Variants in SETBP1 observed in about 807,000 individuals in gnomAD.
SETBP1 encodes SET binding protein 1.
Under a neutral mutation model 101.0 loss-of-function variants are expected in SETBP1, and 9 were observed. That is an observed-to-expected ratio of 0.09 (90% CI 0.05 to 0.16). SETBP1 has a LOEUF of 0.16. Among genes scored for constraint, SETBP1 ranks in the 10% least tolerant of loss-of-function variants. The probability of loss-of-function intolerance (pLI) is 1.00; values close to 1 mark genes in which losing one functional copy is unlikely to be tolerated. For missense variants in SETBP1, 1,858 were observed against 2,033.8 expected, an observed-to-expected ratio of 0.91 and a Z score of 1.66; for synonymous variants, 818 against 788.5, an observed-to-expected ratio of 1.04 and a Z score of -0.63.
At chr18:44,701,982 G>A in intron 2 of SETBP1, 150 bp downstream of exon 2, 2 of 917,242 alleles carry the variant, frequency 2.2e-6, no homozygotes, top group Admixed American at 2.6e-5. Flanking sequence ...AAATCTGTGT[G>A]TAACTTTTGA....
At chr18:44,722,032 G>A (rs1233399639) in intron 2 of SETBP1, among the ~76,000 whole-genome samples, 4 of 152,188 alleles carry the variant, frequency 2.6e-5, no homozygotes, top group South Asian at 2.1e-4. Context: ...GGGCATCTGC[G>A]TGGACATGCA....
intron 2 of SETBP1, among the ~76,000 whole-genome samples, chr18:44,735,985 C>T (rs900194739): frequency 4.6e-5 from 7 of 152,114 alleles, no homozygotes; most frequent in Non-Finnish European, 1.0e-4. Flanking sequence ...TTGTTTTAGT[C>T]ACTATCAGCT....
In SETBP1 at chr18:44,714,722, G is replaced by A. The variant is rs867726987; in HGVS notation, c.486+12890G>A. 2.6e-5 allele frequency among the ~76,000 whole-genome samples: 4 copies of A among 152,008 alleles called. No individual in the cohort carries two copies. In the South Asian group the frequency reaches 6.3e-4, roughly 24 times the overall value. ...CCTACAGAGTTTAATGGGGTTTTCA[G>A]CCTAAGTGCTGTGTAGGGTATAGAA... is the stretch of plus-strand genomic sequence containing the variant. On this transcript the variant is annotated intron_variant, in intron 2 of 5. Coordinates refer to ENST00000649279, the MANE Select transcript of SETBP1 (RefSeq NM_015559.3).
At chr18:44,961,739 C>G (rs1490154622) in intron 4 of SETBP1, among the ~76,000 whole-genome samples, 3 of 152,274 alleles carry the variant, frequency 2.0e-5, no homozygotes, top group East Asian at 3.9e-4. Flanking sequence ...GTCAGCTCCC[C>G]CTTCCCTGCC....
intron 4 of SETBP1, among the ~76,000 whole-genome samples, chr18:45,033,577 G>A (rs994531315): frequency 1.3e-5 from 2 of 152,160 alleles, no homozygotes; most frequent in African/African-American, 2.4e-5. Flanking sequence ...CCATCCCAGT[G>A]GTGTCAGCCT....
At chr18:44,738,034 T>C (rs1396815843) in intron 2 of SETBP1, among the ~76,000 whole-genome samples, 1 of 152,232 alleles carries the variant, frequency 6.6e-6, no homozygotes, top group African/African-American at 2.4e-5. Context: ...CTGCATATCC[T>C]AGGGCATGTG....
chr18:45,054,148 C>T (rs1282327187), intron 5 of SETBP1, among the ~76,000 whole-genome samples: 2 of 152,130 alleles, frequency 1.3e-5, no homozygotes, highest in Non-Finnish European at 2.9e-5. Context: ...ACCAATGCTG[C>T]CATTCCCAAT....
chr18:44,842,079 T>C (rs1003700459), intron 2 of SETBP1, among the ~76,000 whole-genome samples: 1 of 152,230 alleles, frequency 6.6e-6, no homozygotes, highest in Non-Finnish European at 1.5e-5. Context: ...GCCATTCAAC[T>C]TTTATTGTTC....
At chr18:44,949,076 T>C (rs1045718636) in intron 3 of SETBP1, among the ~76,000 whole-genome samples, 7 of 152,204 alleles carry the variant, frequency 4.6e-5, no homozygotes, top group African/African-American at 9.6e-5. Context: ...AAGTACGTAA[T>C]ACGAAGTTTA....
chr18:44,709,812 A>ATTTTTTTTTTTTTTTTTTTTTTTTTTT (rs35610551), intron 2 of SETBP1, among the ~76,000 whole-genome samples: 1 of 121,602 alleles, frequency 8.2e-6, no homozygotes, highest in Non-Finnish European at 1.7e-5. Flanking sequence ...ATCACTAATG[A>ATTTTTTTTTTTTTTTTTTTTTTTTTTT]TTTTTTTTTT....
chr18:44,827,632 G>A (rs766083951), intron 2 of SETBP1, among the ~76,000 whole-genome samples: 8 of 152,180 alleles, frequency 5.3e-5, no homozygotes, highest in Admixed American at 3.3e-4. Context: ...TCAAACCATG[G>A]AGGACTGGCA....
At chr18:45,015,869 G>A (rs2072929254) in intron 4 of SETBP1, among the ~76,000 whole-genome samples, 1 of 152,184 alleles carries the variant, frequency 6.6e-6, no homozygotes, top group Non-Finnish European at 1.5e-5. Context: ...ATTTAGTCAT[G>A]GGGATATTCT....
chr18:44,822,165 A>G (rs771887583), intron 2 of SETBP1, among the ~76,000 whole-genome samples: 2 of 152,206 alleles, frequency 1.3e-5, no homozygotes, highest in Non-Finnish European at 2.9e-5. Context: ...CACGAATTCC[A>G]TGTCTGATTT....
intron 2 of SETBP1, among the ~76,000 whole-genome samples, chr18:44,764,066 A>T (rs76998130): frequency 1.3e-5 from 2 of 152,212 alleles, no homozygotes; most frequent in African/African-American, 2.4e-5. Context: ...TTAAACCATC[A>T]GTCAAATTAG....
chr18:44,722,992 A>G (rs1479490286), intron 2 of SETBP1, among the ~76,000 whole-genome samples: 1 of 152,214 alleles, frequency 6.6e-6, no homozygotes, highest in East Asian at 1.9e-4. Context: ...TAATTGTATG[A>G]CATTGGTAAT....
intron 2 of SETBP1, among the ~76,000 whole-genome samples, chr18:44,832,075 C>A (rs2072383257): frequency 6.6e-6 from 1 of 152,172 alleles, no homozygotes; most frequent in African/African-American, 2.4e-5. Flanking sequence ...AAGCAACATG[C>A]CTCCTTTGGC....
rs116632635 is a variant in SETBP1 at position 44,877,688 on chromosome 18, C to G, written c.540+8405C>G. Among the ~76,000 whole-genome samples, 1,346 of 152,290 alleles carry G rather than the reference C, an allele frequency of 8.8e-3. 20 individuals are homozygous for G. Among genetic ancestry groups the G allele is most frequent in the African/African-American group, 0.031 (1,292 of 41,562 alleles). On this transcript the variant is annotated intron_variant, in intron 3 of 5. Transcript: ENST00000649279. ...TGAAGCCCAAACTGACACTTTTACT[C>G]TTCTTACATGAAATCAACAGTTTCC...
At chr18:44,909,191 T>TG (rs2070245767) in intron 3 of SETBP1, among the ~76,000 whole-genome samples, 1 of 152,098 alleles carries the variant, frequency 6.6e-6, no homozygotes, top group Non-Finnish European at 1.5e-5. Flanking sequence ...TAAGGAGAAA[T>TG]GGGGAACTTC....
intron 3 of SETBP1, among the ~76,000 whole-genome samples, chr18:44,887,715 G>C (rs2069680501): frequency 6.6e-6 from 1 of 152,158 alleles, no homozygotes; most frequent in Non-Finnish European, 1.5e-5. Context: ...TACCCACTCA[G>C]AGTGGGTAAA....
Sources: allele counts gnomAD v4.1 joint callset (sites outside exome capture counted in the v4.1 genomes callset), GRCh38; gene constraint gnomAD v4.1.1; transcripts MANE v1.5; gene names NCBI Gene and HGNC (gene_info 2026-07-23, HGNC 2026-07-21).